Variants in FLT3 observed in about 807,000 individuals in gnomAD.
FLT3 encodes receptor-type tyrosine-protein kinase FLT3.
FLT3 carries 46 observed loss-of-function variants against 126.6 expected under a neutral mutation model. The observed-to-expected ratio is 0.36, with a 90% CI of 0.29 to 0.46. The LOEUF is 0.46. Ranked by LOEUF, FLT3 falls within the 20% of genes least tolerant of loss-of-function variation. FLT3 has a pLI of 1.00. For missense variants in FLT3, 1,069 were observed against 1,190.3 expected (o/e 0.90, Z 1.50); for synonymous variants, 404 against 434.4 (o/e 0.93, Z 0.87).
chr13:28,051,845 C>T (rs61944745), intron 5 of FLT3, among the ~76,000 whole-genome samples: 23,000 of 151,706 alleles, frequency 0.15, 2,103 homozygotes, highest in Middle Eastern at 0.26. Flanking sequence ...TGTGCCCAGC[C>T]TAGAATTTCT....
In FLT3 at chr13:28,100,358, G is replaced by T; in HGVS notation, c.43+110C>A. The T allele has an allele frequency of 1.4e-6, 1 of 731,902 alleles. No homozygotes were observed. The highest frequency in any genetic ancestry group is 1.9e-6 in the Non-Finnish European group (1 of 538,308). The allele number at this position is 731,902 out of a possible 1,614,324, so 45.3% of individuals were successfully genotyped here. On this transcript the variant is annotated intron_variant, in intron 1 of 23. Coordinates refer to ENST00000241453, the MANE Select transcript of FLT3 (RefSeq NM_004119.3). This position sits in a 1 kb window ranked among gnomAD's most constrained non-coding sequence, Gnocchi z 4.8. ...GCGGGAGGCAATGGAAGGAGCGAGC[G>T]CGGGGAGGAGCGAGGCGGCTGGGCC...
intron 1 of FLT3, among the ~76,000 whole-genome samples, chr13:28,073,940 T>TA (rs747529463): frequency 0.72 from 94,692 of 131,968 alleles, 33,897 homozygotes; most frequent in East Asian, 0.87. Flanking sequence ...ATCCTGCCTC[T>TA]AAAAAAAAAA....
chr13:28,079,748 C>A (rs551558834), intron 1 of FLT3, among the ~76,000 whole-genome samples: 2 of 152,130 alleles, frequency 1.3e-5, no homozygotes, highest in Non-Finnish European at 2.9e-5. Context: ...AAGGATAGCA[C>A]GGGAAAGACC....
rs1879728317 is a variant in FLT3 at position 28,100,179 on chromosome 13, C to A, written c.43+289G>T. ...CCCCAGACCCGGCGCAGCGCCTCGG[C>A]GAGGCCGTCTGCGAAGTCCGGGCCG... On this transcript the variant is annotated intron_variant, in intron 1 of 23. Coordinates refer to ENST00000241453, the MANE Select transcript of FLT3 (RefSeq NM_004119.3). The surrounding 1 kb of genome is among the most constrained non-coding windows in gnomAD (Gnocchi z 4.8). Among the ~76,000 whole-genome samples the A allele has an allele frequency of 6.6e-6, 1 of 152,000 alleles. No homozygotes were observed. Among genetic ancestry groups the A allele is most frequent in the African/African-American group, 2.4e-5 (1 of 41,408 alleles).
chr13:28,063,289 G>C (rs905410497), intron 2 of FLT3, among the ~76,000 whole-genome samples: 4 of 152,094 alleles, frequency 2.6e-5, no homozygotes, highest in African/African-American at 9.7e-5. Context: ...GACCAGCCTG[G>C]CCAACATGGT....
chr13:28,085,773 G>A (rs925013198), intron 1 of FLT3, among the ~76,000 whole-genome samples: 2 of 150,240 alleles, frequency 1.3e-5, no homozygotes, highest in African/African-American at 5.0e-5. Context: ...GTTAGAATGG[G>A]ATTTTTTTCC....
intron 5 of FLT3, among the ~76,000 whole-genome samples, chr13:28,051,146 T>C (rs1380724942): frequency 6.6e-6 from 1 of 152,246 alleles, no homozygotes; most frequent in Non-Finnish European, 1.5e-5. Context: ...CTCTGGATTC[T>C]ATATCTTTAA....
intron 1 of FLT3, among the ~76,000 whole-genome samples, chr13:28,091,298 T>C (rs576119989): frequency 7.9e-6 from 1 of 126,740 alleles, no homozygotes; most frequent in Non-Finnish European, 1.6e-5. Flanking sequence ...CTCGGCTCAC[T>C]GCAAGCTCCG....
intron 2 of FLT3, among the ~76,000 whole-genome samples, chr13:28,063,738 GA>G (rs10719225): frequency 0.69 from 101,749 of 147,644 alleles, 35,308 homozygotes; most frequent in East Asian, 0.95. Context: ...TATGAGACTA[GA>G]AAAAAAAAAA....
At chr13:28,086,619 CGTGTGTGTGTGTGTGTGTGTGTGTGTGT>C (rs35797346) in intron 1 of FLT3, among the ~76,000 whole-genome samples, 2 of 134,726 alleles carry the variant, frequency 1.5e-5, no homozygotes, top group African/African-American at 2.7e-5. Flanking sequence ...CTGAAGAACT[CGTGTGTGTGTGTGTGTGTGTGTGTGTGT>C]GTGTGTGTGT....
chr13:28,061,970 T>G lies in FLT3; in HGVS notation c.265A>C (p.Ile89Leu), dbSNP rs1383394847. Residue 89 changes from isoleucine (I) to leucine (L), a missense_variant, in exon 3 of 24, where the codon ATC becomes CTC. Ile to Leu is a conservative substitution (Grantham distance 5). Coordinates refer to ENST00000241453, the MANE Select transcript of FLT3 (RefSeq NM_004119.3). ...GCGTCGACCAGCACTTGCAGTGTGA[T>G]GGAAGCAGATACATCCACTTCCACA... is the stretch of plus-strand genomic sequence containing the variant. ...AAVEVDVSAS[I>L]TLQVLVDAPG... The G allele has an allele frequency of 8.7e-6, 14 of 1,613,708 alleles. No individual in the cohort carries two copies. The highest frequency in any genetic ancestry group is 1.2e-5 in the Non-Finnish European group (14 of 1,179,894).
intron 17 of FLT3, among the ~76,000 whole-genome samples, chr13:28,026,797 C>A (rs930892280): frequency 6.6e-6 from 1 of 152,192 alleles, no homozygotes; most frequent in Non-Finnish European, 1.5e-5. Flanking sequence ...AACCAGGTGT[C>A]CTGAAAGACC....
Position 28,100,215 on chromosome 13 carries a change from C to G in FLT3, c.43+253G>C, listed in dbSNP as rs1327642000. Among the ~76,000 whole-genome samples the G allele has an allele frequency of 6.6e-6, 1 of 152,000 alleles. No individual in the cohort carries two copies. Among genetic ancestry groups the G allele is most frequent in the Non-Finnish European group, 1.5e-5 (1 of 67,954 alleles). ...GCGAAGTCCGGGCCGCCACTCGGGA[C>G]CGCGGCCCGAGCCAGAGGAGAGACT... On this transcript the variant is annotated intron_variant, in intron 1 of 23. Coordinates refer to ENST00000241453, the MANE Select transcript of FLT3 (RefSeq NM_004119.3). The surrounding 1 kb of genome is among the most constrained non-coding windows in gnomAD (Gnocchi z 4.8).
chr13:28,091,393 T>C (rs1046448864), intron 1 of FLT3, among the ~76,000 whole-genome samples: 2 of 149,366 alleles, frequency 1.3e-5, no homozygotes, highest in Non-Finnish European at 3.0e-5. Flanking sequence ...GGCTAATTTT[T>C]TGTATTTTTA....
chr13:28,023,713 G>A (rs1872590973), intron 18 of FLT3, among the ~76,000 whole-genome samples: 1 of 152,138 alleles, frequency 6.6e-6, no homozygotes, highest in African/African-American at 2.4e-5. Context: ...ATGACCTCCT[G>A]ATTGATTAGT....
At chr13:28,027,007 G>A in intron 17 of FLT3, 81 bp downstream of exon 17, 2 of 1,231,390 alleles carry the variant, frequency 1.6e-6, no homozygotes, top group South Asian at 2.8e-5. Flanking sequence ...TTTAGAAACT[G>A]GTCAACGAAG....
At chr13:28,041,354 T>A (rs890555468) in intron 9 of FLT3, among the ~76,000 whole-genome samples, 6 of 152,174 alleles carry the variant, frequency 3.9e-5, no homozygotes, top group Admixed American at 3.9e-4. Context: ...CCAGAGAGCA[T>A]GTCAGAGACA....
rs769640419 is a variant in FLT3 at position 28,023,351 on chromosome 13, G to A, written c.2417C>T (p.Ser806Leu). ...AKGMEFLEFK[S>L]CVHRDLAARN... ...GTTTTTTCTTTAAAAGGAGCATACC[G>A]ACTTAAATTCCAGAAATTCCATTCC... The change falls in exon 19 of 24, where the codon TCG becomes TTG. Residue 806 changes from serine to leucine, a missense_variant and splice_region_variant. Transcript: ENST00000241453. The A allele has an allele frequency of 2.5e-6, 4 of 1,611,640 alleles. No individual in the cohort carries two copies. The highest frequency in any genetic ancestry group is 2.2e-5 in the East Asian group (1 of 44,852).
chr13:28,017,891 C>T (rs1872029233), intron 20 of FLT3, among the ~76,000 whole-genome samples: 2 of 152,062 alleles, frequency 1.3e-5, no homozygotes, highest in South Asian at 4.1e-4. Flanking sequence ...GTATCGAACT[C>T]CTGACCTCAT....
Sources: allele counts gnomAD v4.1 joint callset (sites outside exome capture counted in the v4.1 genomes callset), GRCh38; gene constraint gnomAD v4.1.1; non-coding constraint Gnocchi (gnomAD v3.1); transcripts MANE v1.5; gene names NCBI Gene and HGNC (gene_info 2026-07-23, HGNC 2026-07-21).